Variants in ACSM3 observed in about 807,000 individuals in gnomAD.
The protein encoded by ACSM3 is acyl-CoA synthetase medium chain family member 3.
In ACSM3, 61 loss-of-function variants were observed where a neutral mutation model predicts 74.1. The observed-to-expected ratio is 0.82, with a 90% confidence interval of 0.67 to 1.02. The LOEUF is 1.02. Among genes scored for constraint, ACSM3 ranks in the 50% least tolerant of loss-of-function variants. The pLI is 0.00. For missense variants in ACSM3, 660 were observed against 697.0 expected, an observed-to-expected ratio of 0.95 and a Z score of 0.60; for synonymous variants, 213 against 241.5, an observed-to-expected ratio of 0.88 and a Z score of 1.09.
chr16:20,746,267 G>A (rs552433124), intron 1 of ACSM3, among the ~76,000 whole-genome samples: 3 of 152,290 alleles, frequency 2.0e-5, no homozygotes, highest in East Asian at 1.9e-4. Flanking sequence ...AGACTCAGTC[G>A]TGAATCATGG....
chr16:20,763,770 T>A (rs1369579182), upstream of ACSM3: 1 of 152,208 alleles, frequency 6.6e-6, no homozygotes, highest in Non-Finnish European at 1.5e-5. Flanking sequence ...AAGTGCTCTC[T>A]CTGCCCCTTT....
At chr16:20,709,101 G>A (rs1453746320) in intron 1 of ACSM3, among the ~76,000 whole-genome samples, 1 of 152,184 alleles carries the variant, frequency 6.6e-6, no homozygotes, top group East Asian at 1.9e-4. Flanking sequence ...TGCACGTTGT[G>A]CACATGTACC....
At position 20,797,046 on chromosome 16, in the gene ACSM3, G is replaced by C; in HGVS notation, c.*74G>C. 1 of 1,551,074 alleles carries C rather than the reference G, an allele frequency of 6.4e-7. No individual in the cohort carries two copies. The highest frequency in any genetic ancestry group is 1.3e-5 in the South Asian group (1 of 79,334). ...AATCTCTAGAAACCACAAGATGATGGAGAGGTCATAAAAACTGTGGTAGTA... is the reference window on the plus strand; with the variant it reads ...AATCTCTAGAAACCACAAGATGATGCAGAGGTCATAAAAACTGTGGTAGTA... On this transcript the variant is annotated 3_prime_UTR_variant, in exon 14 of 14. Coordinates refer to ENST00000289416, the MANE Select transcript of ACSM3 (RefSeq NM_005622.4).
At chr16:20,729,389 G>C in intron 1 of ACSM3, 1 of 1,196,668 alleles carries the variant, frequency 8.4e-7, no homozygotes, top group Non-Finnish European at 1.2e-6. Context: ...AAGAGGCAAG[G>C]ATTGACAGGG....
chr16:20,748,212 A>C (rs1268932453), intron 1 of ACSM3, among the ~76,000 whole-genome samples: 3 of 152,198 alleles, frequency 2.0e-5, no homozygotes, highest in Non-Finnish European at 4.4e-5. Flanking sequence ...TGGAGTTTAG[A>C]GGTTCTTTCA....
chr16:20,696,484 C>T (rs1264681906), intron 1 of ACSM3, among the ~76,000 whole-genome samples: 1 of 152,194 alleles, frequency 6.6e-6, no homozygotes, highest in Non-Finnish European at 1.5e-5. Flanking sequence ...CCAGTGTGCC[C>T]ACAAATTATC....
At chr16:20,706,726 G>A (rs1465886270) in intron 1 of ACSM3, among the ~76,000 whole-genome samples, 1 of 152,170 alleles carries the variant, frequency 6.6e-6, no homozygotes. Flanking sequence ...AGGCAGTCAT[G>A]CACAGTAGTA....
intron 1 of ACSM3, chr16:20,727,268 G>T (rs1452731884): frequency 6.0e-6 from 3 of 502,144 alleles, no homozygotes; most frequent in East Asian, 1.1e-4. Context: ...CTTGCTGCTT[G>T]AATGTCCTAA....
intron 1 of ACSM3, among the ~76,000 whole-genome samples, chr16:20,708,011 G>A (rs1275188480): frequency 6.6e-6 from 1 of 152,180 alleles, no homozygotes; most frequent in African/African-American, 2.4e-5. Flanking sequence ...ACGCATAAAA[G>A]TTTTTCTTGC....
intron 9 of ACSM3, 187 bp downstream of exon 9, chr16:20,786,345 A>G (rs1331560276): frequency 1.3e-5 from 16 of 1,229,218 alleles, no homozygotes; most frequent in South Asian, 3.6e-5. Flanking sequence ...TTATTTTGCA[A>G]ATACCCATAT....
chr16:20,713,853 T>C (rs1213787117), intron 1 of ACSM3, among the ~76,000 whole-genome samples: 3 of 152,188 alleles, frequency 2.0e-5, no homozygotes, highest in Non-Finnish European at 2.9e-5. Context: ...ACAGATTGTT[T>C]CTCTAAAAAC....
intron 1 of ACSM3, among the ~76,000 whole-genome samples, chr16:20,748,944 C>T (rs1204049700): frequency 2.6e-5 from 4 of 151,754 alleles, no homozygotes; most frequent in African/African-American, 7.3e-5. Flanking sequence ...CCCAGCTACT[C>T]GGGAGGCTGA....
At chr16:20,676,457 T>C (rs2020283168) in intron 1 of ACSM3, among the ~76,000 whole-genome samples, 1 of 152,214 alleles carries the variant, frequency 6.6e-6, no homozygotes, top group South Asian at 2.1e-4. Flanking sequence ...CTAAGGCTGC[T>C]GAAAATCAGT....
chr16:20,711,693 C>T (rs2079744622), intron 1 of ACSM3: 2 of 527,790 alleles, frequency 3.8e-6, no homozygotes, highest in Admixed American at 2.8e-5. Flanking sequence ...GAGTATTTTT[C>T]CCAGCCAATC....
intron 2 of ACSM3, among the ~76,000 whole-genome samples, chr16:20,774,705 T>C (rs1239764238): frequency 6.6e-6 from 1 of 152,216 alleles, no homozygotes; most frequent in African/African-American, 2.4e-5. Flanking sequence ...ATTTTGTTCA[T>C]CATAAGGGTG....
rs569180685 is a variant in ACSM3, at chr16:20,755,616, G to T, written c.-52G>T. 5 of 123,476 alleles carry T rather than the reference G, an allele frequency of 4.0e-5. No individual in the cohort carries two copies. The South Asian group carries it at 1.0e-3, about 25-fold the overall frequency. The allele number at this position is 123,476 out of a possible 1,614,324, so 7.6% of individuals were successfully genotyped here. ...CTAAAACCCCTGGAATTTCTGAAGT[G>T]GTAAGTGCTTTTTATTATTATTATT... On this transcript the variant is annotated splice_region_variant and 5_prime_UTR_variant, in exon 3 of 4. Transcript: ENST00000561584.
intron 1 of ACSM3, among the ~76,000 whole-genome samples, chr16:20,710,861 G>A (rs2079741731): frequency 6.6e-6 from 1 of 152,070 alleles, no homozygotes; most frequent in Non-Finnish European, 1.5e-5. Flanking sequence ...TAGGCAGGTG[G>A]GTCACCTGAG....
At chr16:20,736,714 T>TA in intron 1 of ACSM3, 4 of 694,512 alleles carry the variant, frequency 5.8e-6, no homozygotes, top group South Asian at 4.0e-5. Context: ...GAAAGATCCC[T>TA]AAAAAAACTG....
At chr16:20,741,983 C>A (rs1294815697) in intron 1 of ACSM3, 3 of 1,514,152 alleles carry the variant, frequency 2.0e-6, no homozygotes, top group South Asian at 2.4e-5. Flanking sequence ...CCAGTAGAGG[C>A]AGCATAGCAG....
Sources: gnomAD v4.1 joint callset for allele counts (sites outside exome capture counted in the v4.1 genomes callset) on GRCh38, gnomAD v4.1.1 for gene constraint, MANE v1.5 for transcripts, NCBI Gene and HGNC (gene_info 2026-07-23, HGNC 2026-07-21) for gene names.